TRAF3: variants seen among roughly 807,000 people sequenced by gnomAD.
The protein encoded by TRAF3 is TNF receptor associated factor 3.
TRAF3 carries 13 observed loss-of-function variants against 62.3 expected under a neutral mutation model. The observed-to-expected ratio is 0.21, with a 90% CI of 0.14 to 0.33. TRAF3 has a LOEUF of 0.33. Ranked by LOEUF, TRAF3 falls within the 10% of genes least tolerant of loss-of-function variation. The pLI is 1.00. For synonymous variants in TRAF3, 269 were observed against 283.4 expected (o/e 0.95, Z 0.51); for missense variants, 440 against 741.8 (o/e 0.59, Z 4.73).
At chr14:102,782,498 G>T (rs968803316) in intron 1 of TRAF3, among the ~76,000 whole-genome samples, 3 of 152,140 alleles carry the variant, frequency 2.0e-5, no homozygotes, top group Non-Finnish European at 1.5e-5. Flanking sequence ...CTCCCAAAGT[G>T]CTGGGATTAC....
chr14:102,800,661 CA>C (rs1898341964), intron 1 of TRAF3, among the ~76,000 whole-genome samples: 1 of 150,646 alleles, frequency 6.6e-6, no homozygotes, highest in Admixed American at 6.6e-5. Context: ...TATTTTACCA[CA>C]GATGGTTAAT....
chr14:102,843,910 A>C (rs1303112499), intron 2 of TRAF3, among the ~76,000 whole-genome samples: 1 of 152,226 alleles, frequency 6.6e-6, no homozygotes, highest in Non-Finnish European at 1.5e-5. Flanking sequence ...AAAAGGTGAA[A>C]ACACTATGGA....
At chr14:102,880,811 C>T (rs993878174) in intron 6 of TRAF3, among the ~76,000 whole-genome samples, 10 of 152,220 alleles carry the variant, frequency 6.6e-5, no homozygotes, top group Non-Finnish European at 5.9e-5. Context: ...GGCGCCGTGG[C>T]TTACGCCTAT....
intron 1 of TRAF3, among the ~76,000 whole-genome samples, chr14:102,820,866 T>G (rs938743993): frequency 6.6e-6 from 1 of 151,404 alleles, no homozygotes; most frequent in Non-Finnish European, 1.5e-5. Flanking sequence ...ACTCCTGGGT[T>G]CAAGCAGATC....
rs1196211076 is a variant in TRAF3 at position 102,794,987 on chromosome 14, GT to G, written c.-157+17313del. On this transcript the variant is annotated intron_variant, in intron 1 of 11. Transcript: ENST00000392745. ...CTTCCCTTTTATTTTAAATAATATTGTGGGGTTTTAATATTTCTCTCTGTTC... is the reference window on the plus strand; with the variant it reads ...CTTCCCTTTTATTTTAAATAATATTGGGGGTTTTAATATTTCTCTCTGTTC... Among the ~76,000 whole-genome samples the G allele has an allele frequency of 2.0e-5, 3 of 151,894 alleles. No homozygotes were observed. In the South Asian group the frequency reaches 6.2e-4, roughly 31 times the overall value.
At chr14:102,861,305 C>T (rs1023053388) in intron 2 of TRAF3, among the ~76,000 whole-genome samples, 2 of 152,176 alleles carry the variant, frequency 1.3e-5, no homozygotes, top group African/African-American at 4.8e-5. Flanking sequence ...AGTTAACATC[C>T]CATAGTGCCA....
intron 4 of TRAF3, 94 bp from the exon 5 acceptor site, chr14:102,875,528 GTT>G: frequency 3.1e-5 from 26 of 839,232 alleles, no homozygotes; most frequent in South Asian, 6.2e-5. Flanking sequence ...TTCCTCTCTT[GTT>G]TTTTTTTTTT....
chr14:102,862,260 A>G (rs1887719331), intron 2 of TRAF3, among the ~76,000 whole-genome samples: 1 of 152,100 alleles, frequency 6.6e-6, no homozygotes, highest in Non-Finnish European at 1.5e-5. Context: ...ATAGCCAGAC[A>G]TGATGGCACT....
intron 1 of TRAF3, among the ~76,000 whole-genome samples, chr14:102,820,604 ATATATATATATTTTTTTTTTTTTT>A (rs1899893987): frequency 7.7e-5 from 1 of 13,032 alleles, no homozygotes; most frequent in East Asian, 2.8e-3. Context: ...ATATATATAT[ATATATATATATTTTTTTTTTTTTT>A]TTTTTTTTTT....
intron 1 of TRAF3, among the ~76,000 whole-genome samples, chr14:102,814,551 A>G (rs115315666): frequency 0.017 from 2,607 of 152,168 alleles, 72 homozygotes; most frequent in African/African-American, 0.06. Flanking sequence ...ACAGGGTCTC[A>G]CTTCGTTATC....
At chr14:102,831,966 A>G (rs1308867164) in intron 2 of TRAF3, among the ~76,000 whole-genome samples, 2 of 152,330 alleles carry the variant, frequency 1.3e-5, no homozygotes, top group East Asian at 3.9e-4. Flanking sequence ...CACCTCCTGT[A>G]TCACCTTTAA....
chr14:102,832,579 C>G (rs1244473842), intron 2 of TRAF3, among the ~76,000 whole-genome samples: 1 of 152,084 alleles, frequency 6.6e-6, no homozygotes, highest in African/African-American at 2.4e-5. Context: ...GAGGCTGAGG[C>G]AGAATTGCTT....
rs1390339581 is a variant in TRAF3, at chr14:102,911,235, AAAG to A, written c.*5453_*5455del. 6.6e-6 allele frequency: 1 copy of A among 152,238 alleles called. No homozygotes were observed. Among genetic ancestry groups the A allele is most frequent in the Non-Finnish European group, 1.5e-5 (1 of 68,040 alleles). The allele number at this position is 152,238 out of a possible 1,614,324, so 9.4% of individuals were successfully genotyped here. ...TTTCCGCTCTTCTAAGAAAAAACAA[AAAG>A]ACCGTGAGTTATTGCCCAGCAATAA... is the stretch of plus-strand genomic sequence containing the variant. On this transcript the variant is annotated 3_prime_UTR_variant, in exon 12 of 12. Transcript: ENST00000392745.
At chr14:102,870,891 T>C (rs929268975) in intron 3 of TRAF3, among the ~76,000 whole-genome samples, 7 of 152,210 alleles carry the variant, frequency 4.6e-5, no homozygotes, top group Non-Finnish European at 1.0e-4. Flanking sequence ...GGCCGCATGC[T>C]TACTCAGCAG....
At chr14:102,889,403 T>C (rs766139118) in intron 7 of TRAF3, among the ~76,000 whole-genome samples, 157 bp from the exon 8 acceptor site, 13 of 152,384 alleles carry the variant, frequency 8.5e-5, no homozygotes, top group Middle Eastern at 3.4e-3. Flanking sequence ...ACCGTATATT[T>C]ACTGCATAGA....
chr14:102,900,180 GAAAAAAAAAAA>G (rs56203426), intron 10 of TRAF3, among the ~76,000 whole-genome samples: 13 of 91,446 alleles, frequency 1.4e-4, no homozygotes, highest in Non-Finnish European at 8.5e-5. Context: ...CTCCGTCTCG[GAAAAAAAAAAA>G]AAAAAAAAAA....
At chr14:102,807,807 A>T (rs966727960) in intron 1 of TRAF3, among the ~76,000 whole-genome samples, 10 of 152,230 alleles carry the variant, frequency 6.6e-5, no homozygotes, top group African/African-American at 2.2e-4. Context: ...TTTATGGCAC[A>T]CAGAAAGGTA....
intron 3 of TRAF3, among the ~76,000 whole-genome samples, chr14:102,870,947 G>T (rs1888307118): frequency 6.6e-6 from 1 of 152,256 alleles, no homozygotes; most frequent in Non-Finnish European, 1.5e-5. Flanking sequence ...CTTTGCTGCT[G>T]AGTGCCAGTG....
At chr14:102,883,411 A>G (rs1351157845) in intron 6 of TRAF3, among the ~76,000 whole-genome samples, 1 of 152,152 alleles carries the variant, frequency 6.6e-6, no homozygotes, top group Non-Finnish European at 1.5e-5. Context: ...GTATAGTGAA[A>G]CCTTTTTAGA....
Sources: allele counts gnomAD v4.1 joint callset (sites outside exome capture counted in the v4.1 genomes callset), GRCh38; gene constraint gnomAD v4.1.1; transcripts MANE v1.5; gene names NCBI Gene and HGNC (gene_info 2026-07-23, HGNC 2026-07-21).